Variants in KCNMB2 observed in about 807,000 individuals in gnomAD.
The protein encoded by KCNMB2 is potassium calcium-activated channel subfamily M regulatory beta subunit 2, also known as calcium-activated potassium channel subunit beta-2.
A neutral mutation model predicts 24.5 loss-of-function variants in KCNMB2; 9 were observed. The ratio of observed to expected loss-of-function variants is 0.37; its 90% CI spans 0.22 to 0.64. The LOEUF (loss-of-function observed/expected upper bound fraction) is 0.64. Ranked by LOEUF, KCNMB2 falls within the 30% of genes least tolerant of loss-of-function variation. KCNMB2 has a pLI of 0.63. For synonymous variants in KCNMB2, 109 were observed against 104.4 expected (o/e 1.04, Z -0.27); for missense variants, 226 against 284.3 (o/e 0.79, Z 1.47).
chr3:178,741,436 A>C (rs1243247674), intron 1 of KCNMB2, among the ~76,000 whole-genome samples: 1 of 152,088 alleles, frequency 6.6e-6, no homozygotes, highest in Non-Finnish European at 1.5e-5. Context: ...CACTGGCTTT[A>C]TTAGTTTTCT....
At chr3:178,701,265 G>A (rs1221736143) in intron 1 of KCNMB2, among the ~76,000 whole-genome samples, 1 of 152,192 alleles carries the variant, frequency 6.6e-6, no homozygotes, top group African/African-American at 2.4e-5. Flanking sequence ...TGAGACAGCT[G>A]TAGATGTGTG....
At chr3:178,730,843 G>C (rs746915840) in intron 1 of KCNMB2, among the ~76,000 whole-genome samples, 4 of 152,014 alleles carry the variant, frequency 2.6e-5, no homozygotes, top group Non-Finnish European at 5.9e-5. Flanking sequence ...TTGTCATTCA[G>C]GCCTTATATC....
intron 1 of KCNMB2, among the ~76,000 whole-genome samples, chr3:178,708,193 C>T (rs193278099): frequency 1.6e-4 from 24 of 152,190 alleles, no homozygotes; most frequent in African/African-American, 4.3e-4. Flanking sequence ...ATCATACCTG[C>T]CCCCTTCTAG....
At chr3:178,760,652 AT>A (rs1711821161) in intron 1 of KCNMB2, among the ~76,000 whole-genome samples, 2 of 151,444 alleles carry the variant, frequency 1.3e-5, no homozygotes, top group African/African-American at 4.8e-5. Context: ...AAGGAAATAA[AT>A]TAAAGGAAAA....
intron 1 of KCNMB2, among the ~76,000 whole-genome samples, chr3:178,713,408 A>G (rs937871217): frequency 5.3e-5 from 8 of 152,230 alleles, no homozygotes; most frequent in African/African-American, 1.4e-4. Flanking sequence ...AATAAGAAAA[A>G]TAATGTTGTA....
chr3:178,741,850 G>A (rs1156266869), intron 1 of KCNMB2, among the ~76,000 whole-genome samples: 1 of 152,106 alleles, frequency 6.6e-6, no homozygotes, highest in Non-Finnish European at 1.5e-5. Context: ...TCCCAACTCT[G>A]CATCTACCCA....
At chr3:178,817,330 C>T (rs1188048486) in intron 2 of KCNMB2, among the ~76,000 whole-genome samples, 1 of 150,794 alleles carries the variant, frequency 6.6e-6, no homozygotes, top group Non-Finnish European at 1.5e-5. Context: ...TTAAACTAAT[C>T]AAATTGTACC....
chr3:178,597,214 A>C (rs56964480), intron 1 of KCNMB2, among the ~76,000 whole-genome samples: 4,781 of 152,276 alleles, frequency 0.031, 258 homozygotes, highest in African/African-American at 0.11. Flanking sequence ...GGAGCTCCTC[A>C]GCCAGTTGAA....
chr3:178,765,595 T>C (rs1315388168), intron 1 of KCNMB2, among the ~76,000 whole-genome samples: 1 of 130,412 alleles, frequency 7.7e-6, no homozygotes, highest in Non-Finnish European at 1.6e-5. Flanking sequence ...GCTGGGCTTC[T>C]AGATCAGTTC....
intron 1 of KCNMB2, among the ~76,000 whole-genome samples, chr3:178,624,392 T>A (rs1192356922): frequency 6.6e-6 from 1 of 152,080 alleles, no homozygotes; most frequent in Non-Finnish European, 1.5e-5. Context: ...TGTACTAAGA[T>A]GTCTATACTA....
rs768377401 is a variant in KCNMB2, at chr3:178,715,365, GT to G, written c.-67-91962del. On this transcript the variant is annotated intron_variant, in intron 1 of 4. Transcript: ENST00000452583. ...TTTTCGTTGTTGTTTTTGTTTTTTG[GT>G]TTTTTTTTTTTTTTTGGTTTCAGAA... Among the ~76,000 whole-genome samples, 344 of 132,234 alleles carry G rather than the reference GT, an allele frequency of 2.6e-3. 1 individual carries two copies. The highest frequency in any genetic ancestry group is 8.6e-3 in the South Asian group (35 of 4,070). 86.8% of individuals were successfully genotyped at this position (132,234 alleles called of 152,430 possible). A position where few individuals can be genotyped will look rare whatever the true frequency, so the allele number is the denominator to read the frequency against.
At chr3:178,817,135 A>G (rs1303320369) in intron 2 of KCNMB2, among the ~76,000 whole-genome samples, 1 of 151,016 alleles carries the variant, frequency 6.6e-6, no homozygotes, top group Non-Finnish European at 1.5e-5. Flanking sequence ...CAGTGTTACA[A>G]GACTTCCTGG....
intron 1 of KCNMB2, among the ~76,000 whole-genome samples, chr3:178,591,216 C>T (rs549644637): frequency 6.6e-6 from 1 of 152,302 alleles, no homozygotes; most frequent in Non-Finnish European, 1.5e-5. Context: ...CATCCCTGTA[C>T]ATAATCAATA....
At chr3:178,579,014 C>T (rs1717099591) in intron 1 of KCNMB2, among the ~76,000 whole-genome samples, 2 of 152,190 alleles carry the variant, frequency 1.3e-5, no homozygotes, top group East Asian at 1.9e-4. Context: ...CAGCTATGGA[C>T]CAAGCAGACC....
At chr3:178,716,607 C>A (rs904696748) in intron 1 of KCNMB2, among the ~76,000 whole-genome samples, 19 of 152,094 alleles carry the variant, frequency 1.2e-4, no homozygotes, top group Non-Finnish European at 5.9e-5. Flanking sequence ...CCATGCCCAG[C>A]TAATTTTTGT....
At chr3:178,569,183 A>G (rs1716678412) in intron 1 of KCNMB2, among the ~76,000 whole-genome samples, 1 of 152,146 alleles carries the variant, frequency 6.6e-6, no homozygotes, top group Non-Finnish European at 1.5e-5. Context: ...GAAGCTTCAG[A>G]ACTACATAGA....
intron 1 of KCNMB2, among the ~76,000 whole-genome samples, chr3:178,601,655 G>T (rs1286107070): frequency 1.3e-5 from 2 of 152,212 alleles, no homozygotes; most frequent in Admixed American, 6.5e-5. Context: ...GTACAGAAAA[G>T]TTCCTCATTC....
chr3:178,779,398 C>T (rs534714432), intron 1 of KCNMB2, among the ~76,000 whole-genome samples: 28 of 152,210 alleles, frequency 1.8e-4, no homozygotes, highest in Admixed American at 1.7e-3. Context: ...GATGGATACA[C>T]GTAAACTAGA....
chr3:178,724,445 C>A (rs1339467276), intron 1 of KCNMB2, among the ~76,000 whole-genome samples: 1 of 152,074 alleles, frequency 6.6e-6, no homozygotes, highest in East Asian at 1.9e-4. Context: ...TTGTCCCATT[C>A]TCTAGGTTAC....
Sources: gnomAD v4.1 joint callset for allele counts (sites outside exome capture counted in the v4.1 genomes callset) on GRCh38, gnomAD v4.1.1 for gene constraint, MANE v1.5 for transcripts, NCBI Gene and HGNC (gene_info 2026-07-23, HGNC 2026-07-21) for gene names.